The following POLR2C variants were observed in gnomAD, a reference collection of about 807,000 sequenced individuals.
POLR2C encodes RNA polymerase II subunit C, also known as DNA-directed RNA polymerase II subunit RPB3.
In POLR2C, 36 loss-of-function variants were observed where a neutral mutation model predicts 41.7. That is an observed-to-expected ratio of 0.86 (90% CI 0.66 to 1.14). The LOEUF is 1.14. Ranked by LOEUF, POLR2C falls within the 50% of genes most tolerant of loss-of-function variation. The pLI, the probability that POLR2C is intolerant of heterozygous loss-of-function variation, is 0.00. For missense variants in POLR2C, 260 were observed against 350.4 expected (o/e 0.74, Z 2.06); for synonymous variants, 133 against 137.8 (o/e 0.96, Z 0.25).
At chr16:57,468,601 T>C (rs2030760268) in intron 4 of POLR2C, among the ~76,000 whole-genome samples, 2 of 152,200 alleles carry the variant, frequency 1.3e-5, no homozygotes, top group African/African-American at 4.8e-5. Context: ...TGTTAATAAT[T>C]ATGGAAGGTG....
chr16:57,468,250 C>G (rs1260154164), intron 4 of POLR2C, among the ~76,000 whole-genome samples: 36 of 152,338 alleles, frequency 2.4e-4, no homozygotes, highest in African/African-American at 8.7e-4. Context: ...CTCTTGGGCT[C>G]AAGCGATCCT....
In POLR2C at chr16:57,462,685, A is replaced by T; in HGVS notation, c.-40A>T. The T allele has an allele frequency of 6.7e-7, 1 of 1,484,236 alleles. No homozygotes were observed. Among genetic ancestry groups the T allele is most frequent in the Non-Finnish European group, 9.2e-7 (1 of 1,084,214 alleles). The allele number at this position is 1,484,236 out of a possible 1,614,324, so 91.9% of individuals were successfully genotyped here. A position where few individuals can be genotyped will look rare whatever the true frequency, so the allele number is the denominator to read the frequency against. On this transcript the variant is annotated 5_prime_UTR_variant, in exon 1 of 9. Coordinates refer to ENST00000219252, the MANE Select transcript of POLR2C (RefSeq NM_032940.3). The stretch of plus-strand genomic sequence containing the variant: ...GTGTTGGCGGTGGCGCCGCGCAGTC[A>T]CCGCGGAGCAGACGCGGAGGCTGGT...
chr16:57,462,856 G>A (rs1374537265), intron 1 of POLR2C, 46 bp downstream of exon 1: 1 of 1,477,494 alleles, frequency 6.8e-7, no homozygotes, highest in East Asian at 2.4e-5. Context: ...GGCGCCGGGA[G>A]GCCCAAGCCG....
At position 57,463,019 on chromosome 16, in the gene POLR2C, G is replaced by C. The variant is rs223837; in HGVS notation, c.87-10G>C. The C allele has an allele frequency of 0.17, 280,068 of 1,608,216 alleles. 29,009 individuals are homozygous for C. Among genetic ancestry groups the C allele is most frequent in the African/African-American group, 0.48 (35,524 of 74,428 alleles). ...AGCGCCTTCACGCCCCTTGGCTTTT[G>C]ATCTTTCAGGGTGGCCAATTCGATT... On this transcript the variant is annotated splice_polypyrimidine_tract_variant and intron_variant, in intron 1 of 8. Coordinates refer to ENST00000219252, the MANE Select transcript of POLR2C (RefSeq NM_032940.3).
chr16:57,466,180 ATTCCCCTC>A lies in POLR2C; in HGVS notation c.212_219del (p.Ile71AsnfsTer2). On this transcript the variant is annotated frameshift_variant, in exon 4 of 9. Transcript: ENST00000219252. LOFTEE classifies it high-confidence loss of function. The stretch of plus-strand genomic sequence containing the variant: ...TGCTTTTCTGTTTTTTACAGGATTA[ATTCCCCTC>A]ATTAGTGATGACATTGTGGACAAGC... 1 of 1,602,252 alleles carries A rather than the reference ATTCCCCTC, an allele frequency of 6.2e-7. No individual in the cohort carries two copies. Among genetic ancestry groups the A allele is most frequent in the Non-Finnish European group, 8.5e-7 (1 of 1,172,816 alleles).
chr16:57,469,785 G>A lies in POLR2C; in HGVS notation c.439+24G>A, dbSNP rs202035830. 1.5e-4 allele frequency: 237 copies of A among 1,607,090 alleles called. No homozygotes were observed. Among genetic ancestry groups the A allele is most frequent in the Non-Finnish European group, 1.8e-4 (212 of 1,175,098 alleles). On this transcript the variant is annotated intron_variant, in intron 6 of 8. Coordinates refer to ENST00000219252, the MANE Select transcript of POLR2C (RefSeq NM_032940.3). This position sits in a 1 kb window ranked among gnomAD's most constrained non-coding sequence, Gnocchi z 5.8. ...TGGTAAGTCTTCCTGACCTGTCACC[G>A]TGTGGGCCAGCGGGAAGGAGGGACC...
In POLR2C at chr16:57,469,465, C is replaced by T; in HGVS notation, c.387+172C>T. The T allele has an allele frequency of 2.5e-6, 2 of 790,302 alleles. No homozygotes were observed. The highest frequency in any genetic ancestry group is 4.5e-4 in the Middle Eastern group (2 of 4,446). 49.0% of individuals were successfully genotyped at this position (790,302 alleles called of 1,614,324 possible). A position where few individuals can be genotyped will look rare whatever the true frequency, so the allele number is the denominator to read the frequency against. Reference sequence around the variant, plus strand: ...CTGGATTCCTCTTGGGCATCGTTAGCATCGTTGGTGCTGCGCACCCTCTAT... The same window carrying T: ...CTGGATTCCTCTTGGGCATCGTTAGTATCGTTGGTGCTGCGCACCCTCTAT... On this transcript the variant is annotated intron_variant, in intron 5 of 8. Coordinates refer to ENST00000219252, the MANE Select transcript of POLR2C (RefSeq NM_032940.3). This position sits in a 1 kb window ranked among gnomAD's most constrained non-coding sequence, Gnocchi z 5.8.
chr16:57,466,918 T>C (rs935412263), intron 4 of POLR2C, among the ~76,000 whole-genome samples: 1 of 149,838 alleles, frequency 6.7e-6, no homozygotes, highest in African/African-American at 2.5e-5. Flanking sequence ...ATATATCTTA[T>C]AAATATGTGT....
In POLR2C at chr16:57,470,962, T is replaced by C. The variant is rs55780256; in HGVS notation, c.684-13T>C. On this transcript the variant is annotated splice_polypyrimidine_tract_variant and intron_variant, in intron 8 of 8. Coordinates refer to ENST00000219252, the MANE Select transcript of POLR2C (RefSeq NM_032940.3). Reference sequence around the variant, plus strand: ...CTGCCTCGCAGTGCACTCACTGGACTCTTGCCTCCTAGGTTTTACTACAAT... The same window carrying C: ...CTGCCTCGCAGTGCACTCACTGGACCCTTGCCTCCTAGGTTTTACTACAAT... 1,027 of 1,611,650 alleles carry C rather than the reference T, an allele frequency of 6.4e-4. 6 individuals are homozygous for C. In the African/African-American group the frequency reaches 6.8e-3, roughly 11 times the overall value.
At chr16:57,465,488 T>A (rs1274967960) in intron 2 of POLR2C, among the ~76,000 whole-genome samples, 1 of 152,208 alleles carries the variant, frequency 6.6e-6, no homozygotes. Context: ...ATTTGTTGAT[T>A]GAGTGTTTAA....
rs2030800365 is a variant in POLR2C at position 57,470,309 on chromosome 16, A to C, written c.638A>C (p.Glu213Ala). ...WPKSEYSELD[E>A]DESQAPYDPN... ...AAGAGTGAGTACTCGGAGCTGGATGAGGATGAGTCGCAGGCTCCCTATGAC... is the reference window on the plus strand; with the variant it reads ...AAGAGTGAGTACTCGGAGCTGGATGCGGATGAGTCGCAGGCTCCCTATGAC... The change falls in exon 8 of 9, where the codon GAG (glutamate) becomes GCG (alanine). Residue 213 changes from glutamate (E) to alanine (A), a missense_variant. Physicochemically the swap from Glu to Ala is moderately radical, Grantham distance 107. Transcript: ENST00000219252. 6.2e-7 allele frequency: 1 copy of C among 1,613,054 alleles called. No individual in the cohort carries two copies. The highest frequency in any genetic ancestry group is 2.2e-5 in the East Asian group (1 of 44,852).
In POLR2C at chr16:57,463,057, A is replaced by G. The variant is rs1399065093; in HGVS notation, c.115A>G (p.Ile39Val). The change falls in exon 2 of 9, where the codon ATC becomes GTC. Residue 39 changes from isoleucine to valine, a missense_variant. Ile to Val is a conservative substitution (Grantham distance 29, BLOSUM62 3). Coordinates refer to ENST00000219252, the MANE Select transcript of POLR2C (RefSeq NM_032940.3). ...GGCCAATTCGATTCGGAGGGTCTTC[A>G]TCGCTGAGGTTCCCATAATAGGTAA... is the stretch of plus-strand genomic sequence containing the variant. ...AVANSIRRVF[I>V]AEVPIIAIDW... 2 of 1,613,728 alleles carry G rather than the reference A, an allele frequency of 1.2e-6. No homozygotes were observed. Among genetic ancestry groups the G allele is most frequent in the Admixed American group, 1.7e-5 (1 of 60,030 alleles).
chr16:57,466,528 C>G (rs1327615731), intron 4 of POLR2C, among the ~76,000 whole-genome samples: 1 of 152,134 alleles, frequency 6.6e-6, no homozygotes, highest in African/African-American at 2.4e-5. Flanking sequence ...CCTTAGGATG[C>G]TACAGGAGTC....
intron 2 of POLR2C, 152 bp downstream of exon 2, chr16:57,463,230 G>C: frequency 2.8e-6 from 2 of 717,698 alleles, no homozygotes; most frequent in Non-Finnish European, 4.9e-6. Context: ...CATACCCTGT[G>C]CCCTTGGCTC....
intron 2 of POLR2C, among the ~76,000 whole-genome samples, chr16:57,464,270 C>CTG (rs1249638124): frequency 1.3e-5 from 2 of 152,192 alleles, no homozygotes; most frequent in African/African-American, 4.8e-5. Context: ...GTGGTAAGCT[C>CTG]TGGGAATGCA....
chr16:57,465,914 TGATG>T (rs765692921), intron 2 of POLR2C, 35 bp from the exon 3 acceptor site: 7 of 1,336,836 alleles, frequency 5.2e-6, no homozygotes, highest in African/African-American at 1.5e-5. Context: ...TAGGTAAATT[TGATG>T]GCTAAACTCC....
At position 57,465,972 on chromosome 16, in the gene POLR2C, T is replaced by C. The variant is rs766525559; in HGVS notation, c.156T>C (p.Ile52=). Residue 52 remains isoleucine, a synonymous_variant, in exon 3 of 9, where the codon ATT becomes ATC. Transcript: ENST00000219252. ...TTTTAGCCATTGACTGGGTTCAGATTGATGCCAATTCCTCAGTTCTTCATG... is the reference window on the plus strand; with the variant it reads ...TTTTAGCCATTGACTGGGTTCAGATCGATGCCAATTCCTCAGTTCTTCATG... The part of the protein sequence containing the change: ...VPIIAIDWVQ[I]DANSSVLHDE... 2 of 1,604,812 alleles carry C rather than the reference T, an allele frequency of 1.2e-6. No individual in the cohort carries two copies. Among genetic ancestry groups the C allele is most frequent in the Admixed American group, 1.7e-5 (1 of 60,000 alleles).
rs2030768185 is a variant in POLR2C at position 57,469,033 on chromosome 16, T to C, written c.259-132T>C. 6.1e-6 allele frequency: 5 copies of C among 819,242 alleles called. No individual in the cohort carries two copies. Among genetic ancestry groups the C allele is most frequent in the South Asian group, 5.2e-5 (3 of 58,102 alleles). The allele number at this position is 819,242 out of a possible 1,614,324, so 50.7% of individuals were successfully genotyped here. A position where few individuals can be genotyped will look rare whatever the true frequency, so the allele number is the denominator to read the frequency against. ...TTGTCACAGCCCACAAGAACCTGGA[T>C]ACTGATGAACCCCTTTTTACAGGTG... On this transcript the variant is annotated intron_variant, in intron 4 of 8. Coordinates refer to ENST00000219252, the MANE Select transcript of POLR2C (RefSeq NM_032940.3). This position sits in a 1 kb window ranked among gnomAD's most constrained non-coding sequence, Gnocchi z 5.8.
chr16:57,469,884 T>TG lies in POLR2C; in HGVS notation c.440-76dup. 1 of 1,588,652 alleles carries TG rather than the reference T, an allele frequency of 6.3e-7. No homozygotes were observed. Among genetic ancestry groups the TG allele is most frequent in the South Asian group, 1.1e-5 (1 of 90,548 alleles). ...CCGTTTTTCCAGATGTGTGTGGTCT[T>TG]GCAGTGGCACTCCAAGTCAGAATTT... On this transcript the variant is annotated intron_variant, in intron 6 of 8. Transcript: ENST00000219252. The surrounding 1 kb of genome is among the most constrained non-coding windows in gnomAD (Gnocchi z 5.8).
Sources: gnomAD v4.1 joint callset for allele counts (sites outside exome capture counted in the v4.1 genomes callset) on GRCh38, gnomAD v4.1.1 for gene constraint, Gnocchi (gnomAD v3.1) non-coding constraint, MANE v1.5 for transcripts, NCBI Gene and HGNC (gene_info 2026-07-23, HGNC 2026-07-21) for gene names.